Variants in PCDHA2 observed in about 807,000 individuals in gnomAD.
PCDHA2 encodes the protein protocadherin alpha-2.
PCDHA2 carries 58 observed loss-of-function variants against 66.0 expected under a neutral mutation model. That is an observed-to-expected ratio of 0.88 (90% CI 0.71 to 1.09). The LOEUF is 1.09. Among genes scored for constraint, PCDHA2 ranks in the 50% least tolerant of loss-of-function variants. The pLI is 0.00. For missense variants in PCDHA2, 1,267 were observed against 1,242.3 expected (o/e 1.02, Z -0.30); for synonymous variants, 634 against 554.0 (o/e 1.14, Z -2.03).
Position 140,836,428 on chromosome 5 carries a change from C to T in PCDHA2, c.2388+39076C>T, listed in dbSNP as rs2150260814. ...CAGGCACCAAAGGCGTCGTCGCGGG[C>T]ATCGTTGGGCATTGCAGGCCCAGAG... On this transcript the variant is annotated intron_variant, in intron 1 of 3. Transcript: ENST00000526136. 1.5e-5 allele frequency: 24 copies of T among 1,613,854 alleles called. No individual in the cohort carries two copies. Among genetic ancestry groups the T allele is most frequent in the Non-Finnish European group, 1.9e-5 (22 of 1,179,866 alleles).
chr5:140,967,140 C>T (rs781814682), intron 1 of PCDHA2: 4 of 1,611,022 alleles, frequency 2.5e-6, no homozygotes, highest in East Asian at 2.2e-5. Flanking sequence ...GAAGTGCTGG[C>T]GCACAACCCC....
At chr5:140,888,624 C>T (rs2061910720) in intron 1 of PCDHA2, among the ~76,000 whole-genome samples, 1 of 152,198 alleles carries the variant, frequency 6.6e-6, no homozygotes, top group Non-Finnish European at 1.5e-5. Flanking sequence ...CTAATTCGGC[C>T]TTCTATTACA....
chr5:141,000,365 C>CTG (rs2097904906), intron 3 of PCDHA2, among the ~76,000 whole-genome samples: 2 of 12,832 alleles, frequency 1.6e-4, no homozygotes, highest in Non-Finnish European at 2.6e-4. Flanking sequence ...CTCTCTGTCT[C>CTG]TCTCTCTCTC....
intron 1 of PCDHA2, chr5:140,814,941 C>G (rs1405331671): frequency 6.6e-6 from 1 of 152,054 alleles, no homozygotes; most frequent in Non-Finnish European, 1.5e-5. Flanking sequence ...TATATAATGT[C>G]CTTCTTTGTC....
intron 1 of PCDHA2, chr5:140,848,198 C>A (rs891964710): frequency 3.2e-6 from 1 of 311,390 alleles, no homozygotes; most frequent in Non-Finnish European, 5.9e-6. Flanking sequence ...TCTGTTTCAA[C>A]AATCATTACT....
chr5:140,807,616 G>T (rs113425597), intron 1 of PCDHA2: 1 of 1,614,130 alleles, frequency 6.2e-7, no homozygotes, highest in African/African-American at 1.3e-5. Flanking sequence ...TGTCCATCGC[G>T]GAATCCAGGC....
chr5:140,967,147 C>A (rs782815903), intron 1 of PCDHA2: 7 of 1,611,068 alleles, frequency 4.3e-6, no homozygotes, highest in South Asian at 2.2e-5. Flanking sequence ...TGGCGCACAA[C>A]CCCGTGGCGG....
chr5:140,985,889 G>A (rs549796234), intron 3 of PCDHA2, among the ~76,000 whole-genome samples: 61 of 151,864 alleles, frequency 4.0e-4, no homozygotes, highest in Non-Finnish European at 5.7e-4. Context: ...ACAGGCGCCC[G>A]CCACCACTCC....
chr5:140,851,332 C>T (rs2042029710), intron 1 of PCDHA2: 1 of 971,624 alleles, frequency 1.0e-6, no homozygotes, highest in Non-Finnish European at 1.3e-6. Context: ...GTTTGTAGTT[C>T]TCTACATTTC....
At chr5:140,868,935 G>A in intron 1 of PCDHA2, 1 of 1,171,026 alleles carries the variant, frequency 8.5e-7, no homozygotes, top group South Asian at 1.6e-5. Flanking sequence ...TTAAAGGTTG[G>A]TCTGAACAGT....
intron 1 of PCDHA2, among the ~76,000 whole-genome samples, chr5:140,946,349 G>A (rs1412325014): frequency 6.6e-6 from 1 of 151,910 alleles, no homozygotes; most frequent in Non-Finnish European, 1.5e-5. Flanking sequence ...TGGAGAGGAT[G>A]TGGAGAAAAG....
intron 1 of PCDHA2, chr5:140,865,868 G>A (rs2049029480): frequency 1.3e-5 from 2 of 152,098 alleles, no homozygotes; most frequent in African/African-American, 2.4e-5. Context: ...CATGGTCTCG[G>A]CTAGGAAAAT....
chr5:140,868,751 C>A, intron 1 of PCDHA2: 1 of 215,966 alleles, frequency 4.6e-6, no homozygotes, highest in Non-Finnish European at 9.2e-6. Flanking sequence ...ATGCCATTTC[C>A]ATATATATTT....
At chr5:140,926,196 T>C (rs1175807987) in intron 1 of PCDHA2, among the ~76,000 whole-genome samples, 1 of 151,596 alleles carries the variant, frequency 6.6e-6, no homozygotes, top group Non-Finnish European at 1.5e-5. Context: ...CAGCACTTCT[T>C]TCGGGGGGCT....
At position 141,010,922 on chromosome 5, in the gene PCDHA2, A is replaced by G. The variant is rs1263879494; in HGVS notation, c.*985A>G. The G allele has an allele frequency of 5.2e-5, 8 of 153,814 alleles. No homozygotes were observed. Among genetic ancestry groups the G allele is most frequent in the African/African-American group, 1.9e-4 (8 of 41,474 alleles). The allele number at this position is 153,814 out of a possible 1,614,324, so 9.5% of individuals were successfully genotyped here. A position where few individuals can be genotyped will look rare whatever the true frequency, so the allele number is the denominator to read the frequency against. ...TTCCCCTAAACTCTCCTCAAAAGAG[A>G]ATTCAGTCTACAGCCATTTAAATGA... On this transcript the variant is annotated 3_prime_UTR_variant, in exon 4 of 4. Transcript: ENST00000526136.
chr5:140,999,215 C>A (rs1290752092), intron 3 of PCDHA2, among the ~76,000 whole-genome samples: 1 of 152,140 alleles, frequency 6.6e-6, no homozygotes, highest in East Asian at 1.9e-4. Context: ...TCTGGAAGTA[C>A]TACATTTGAG....
rs150226999 is a variant in PCDHA2, at chr5:140,970,370, C to T, written c.2389-8579C>T. 2.1e-3 allele frequency among the ~76,000 whole-genome samples: 315 copies of T among 152,234 alleles called. 1 individual carries two copies. The highest frequency in any genetic ancestry group is 7.2e-3 in the African/African-American group (299 of 41,540). On this transcript the variant is annotated intron_variant, in intron 1 of 3. Coordinates refer to ENST00000526136, the MANE Select transcript of PCDHA2 (RefSeq NM_018905.3). ...GGATCTAAAATTTGATTTGCTATAG[C>T]TTCAAAAGGCTGGCTTGGAAAGTGG...
chr5:140,841,575 T>C (rs1220947138), intron 1 of PCDHA2: 1 of 1,613,812 alleles, frequency 6.2e-7, no homozygotes, highest in Non-Finnish European at 8.5e-7. Flanking sequence ...GGCATTTTGT[T>C]TGTGAATTCT....
At chr5:140,948,237 T>C (rs532703710) in intron 1 of PCDHA2, among the ~76,000 whole-genome samples, 1 of 151,810 alleles carries the variant, frequency 6.6e-6, no homozygotes, top group South Asian at 2.1e-4. Flanking sequence ...ACTTGTATTT[T>C]AGTAAATATT....
Sources: allele counts gnomAD v4.1 joint callset (sites outside exome capture counted in the v4.1 genomes callset), GRCh38; gene constraint gnomAD v4.1.1; transcripts MANE v1.5; gene names NCBI Gene and HGNC (gene_info 2026-07-23, HGNC 2026-07-21).